ACTL8: variants seen among roughly 807,000 people sequenced by gnomAD.
The protein encoded by ACTL8 is actin like 8.
ACTL8 carries 3 observed loss-of-function variants against 9.3 expected under a neutral mutation model. The ratio of observed to expected loss-of-function variants is 0.32; its 90% CI spans 0.15 to 0.83. The LOEUF (loss-of-function observed/expected upper bound fraction) is 0.83, where lower values mean the gene tolerates loss of function less well. Among genes scored for constraint, ACTL8 ranks in the 40% least tolerant of loss-of-function variants. ACTL8 has a pLI of 0.57. For missense variants in ACTL8, 381 were observed against 492.2 expected (o/e 0.77, Z 2.14); for synonymous variants, 224 against 205.9 (o/e 1.09, Z -0.75).
At chr1:17,796,510 G>A (rs1350533476) in intron 1 of ACTL8, among the ~76,000 whole-genome samples, 1 of 152,176 alleles carries the variant, frequency 6.6e-6, no homozygotes, top group African/African-American at 2.4e-5. Context: ...GGCTCGCATG[G>A]GAGAACAACT....
In ACTL8 at chr1:17,825,850, C is replaced by T. The variant is rs370630395; in HGVS notation, c.432C>T (p.Thr144=). 600 of 1,613,978 alleles carry T rather than the reference C, an allele frequency of 3.7e-4. 1 individual carries two copies. The highest frequency in any genetic ancestry group is 4.8e-4 in the Non-Finnish European group (566 of 1,180,042). The part of the protein sequence containing the change: ...QMSLYASGLL[T]GVVVDSGYGL... ...CCCTGTATGCCTCTGGCCTCCTGAC[C>T]GGAGTGGTGGTTGATTCTGGCTATG... is the stretch of plus-strand genomic sequence containing the variant. Residue 144 remains threonine (T), a synonymous_variant, in exon 3 of 3, where the codon ACC becomes ACT. Coordinates refer to ENST00000375406, the MANE Select transcript of ACTL8 (RefSeq NM_030812.3).
chr1:17,816,199 G>A (rs1449902578), intron 1 of ACTL8, among the ~76,000 whole-genome samples: 9 of 123,508 alleles, frequency 7.3e-5, no homozygotes, highest in Non-Finnish European at 1.2e-4. Context: ...AATATTAATA[G>A]CTTTTTTTTT....
chr1:17,823,332 T>C lies in ACTL8; in HGVS notation c.324T>C (p.Pro108=), dbSNP rs746930448. 15 of 1,613,170 alleles carry C rather than the reference T, an allele frequency of 9.3e-6. No homozygotes were observed. The highest frequency in any genetic ancestry group is 1.3e-5 in the Non-Finnish European group (15 of 1,179,622). ...VIITETPLRE[P]ADRKKMLEIL... is the part of the protein sequence containing the mutation. ...TCACGGAGACACCCTTGAGGGAGCCTGCGGACCGAAAGAAGATGCTGGAGG... is the reference window on the plus strand; with the variant it reads ...TCACGGAGACACCCTTGAGGGAGCCCGCGGACCGAAAGAAGATGCTGGAGG... The change falls in exon 2 of 3, where the codon CCT becomes CCC. Residue 108 remains proline, a synonymous_variant. Coordinates refer to ENST00000375406, the MANE Select transcript of ACTL8 (RefSeq NM_030812.3). The surrounding 1 kb of genome is among the most constrained non-coding windows in gnomAD (Gnocchi z 5.3).
At chr1:17,822,198 G>A (rs2124194093) in intron 1 of ACTL8, among the ~76,000 whole-genome samples, 1 of 152,208 alleles carries the variant, frequency 6.6e-6, no homozygotes, top group Non-Finnish European at 1.5e-5. Flanking sequence ...TCTGGGTTGG[G>A]TTTGACTCTT....
At chr1:17,804,136 C>T (rs1334017278) in intron 1 of ACTL8, among the ~76,000 whole-genome samples, 2 of 152,178 alleles carry the variant, frequency 1.3e-5, no homozygotes, top group African/African-American at 4.8e-5. Context: ...AGTGATGTGC[C>T]CTGGCCATAT....
chr1:17,762,543 G>A (rs1054588051), intron 1 of ACTL8, among the ~76,000 whole-genome samples: 1 of 152,166 alleles, frequency 6.6e-6, no homozygotes, highest in Non-Finnish European at 1.5e-5. Flanking sequence ...AGGCAGGTAG[G>A]TCTCACCGTG....
chr1:17,779,203 A>AC (rs2066135985), intron 1 of ACTL8, among the ~76,000 whole-genome samples: 1 of 151,566 alleles, frequency 6.6e-6, no homozygotes, highest in African/African-American at 2.4e-5. Context: ...TCCCTCCTGG[A>AC]CCCCTCTGCC....
intron 1 of ACTL8, among the ~76,000 whole-genome samples, chr1:17,822,189 C>A (rs2053667878): frequency 6.6e-6 from 1 of 152,106 alleles, no homozygotes; most frequent in South Asian, 2.1e-4. Context: ...CCTTTGCAGT[C>A]TGGGTTGGGT....
intron 1 of ACTL8, among the ~76,000 whole-genome samples, chr1:17,798,863 C>T (rs891826562): frequency 9.9e-5 from 15 of 152,160 alleles, no homozygotes; most frequent in African/African-American, 2.4e-4. Context: ...AATAAGCAGG[C>T]GTTTGCCTTA....
intron 1 of ACTL8, among the ~76,000 whole-genome samples, chr1:17,764,831 C>T (rs1225065143): frequency 6.6e-6 from 1 of 152,258 alleles, no homozygotes; most frequent in African/African-American, 2.4e-5. Flanking sequence ...TGCAGTGTCT[C>T]CCTTTCCATC....
At chr1:17,784,934 C>A (rs2066184970) in intron 1 of ACTL8, among the ~76,000 whole-genome samples, 1 of 152,184 alleles carries the variant, frequency 6.6e-6, no homozygotes, top group Admixed American at 6.5e-5. Flanking sequence ...ACAATCATGG[C>A]AGAAGGCAAG....
chr1:17,815,131 C>A (rs2066418456), intron 1 of ACTL8, among the ~76,000 whole-genome samples: 1 of 152,214 alleles, frequency 6.6e-6, no homozygotes, highest in African/African-American at 2.4e-5. Flanking sequence ...AGCTTAGGAG[C>A]AAATGGCTAT....
chr1:17,789,651 A>G (rs542614129), intron 1 of ACTL8, among the ~76,000 whole-genome samples: 20 of 152,074 alleles, frequency 1.3e-4, no homozygotes, highest in Non-Finnish European at 1.3e-4. Context: ...ATTTATTTCT[A>G]TGTCCTTGAA....
chr1:17,791,098 A>AG (rs955931569), intron 1 of ACTL8, among the ~76,000 whole-genome samples: 3 of 152,024 alleles, frequency 2.0e-5, no homozygotes, highest in African/African-American at 7.2e-5. Context: ...TGTGCCTGGC[A>AG]GGGGGTGGGG....
At chr1:17,760,514 A>G (rs1156370332) in intron 1 of ACTL8, among the ~76,000 whole-genome samples, 5 of 152,234 alleles carry the variant, frequency 3.3e-5, no homozygotes, top group African/African-American at 7.2e-5. Flanking sequence ...TGCAGCCAAC[A>G]GGACTGCCAT....
intron 1 of ACTL8, among the ~76,000 whole-genome samples, chr1:17,780,418 A>G (rs535281436): frequency 6.6e-6 from 1 of 152,164 alleles, no homozygotes; most frequent in African/African-American, 2.4e-5. Context: ...TCCAGGCCAT[A>G]TTCTTCCTTC....
rs760648218 is a variant in ACTL8, at chr1:17,825,980, C to A, written c.562C>A (p.Leu188Ile). 6.2e-7 allele frequency: 1 copy of A among 1,609,520 alleles called. No homozygotes were observed. The highest frequency in any genetic ancestry group is 8.5e-7 in the Non-Finnish European group (1 of 1,179,996). Reference protein sequence around the residue: ...QDLSAYLLKSLFKEDCDRRCL... With the variant: ...QDLSAYLLKSIFKEDCDRRCL... ...TCTCTCCGCCTATCTCCTCAAGAGTCTCTTTAAGGAAGATTGCGATAGACG... is the reference window on the plus strand; with the variant it reads ...TCTCTCCGCCTATCTCCTCAAGAGTATCTTTAAGGAAGATTGCGATAGACG... Residue 188 changes from leucine to isoleucine, a missense_variant, in exon 3 of 3, where the codon CTC becomes ATC. By Grantham distance (5) the Leu-to-Ile change is conservative. Coordinates refer to ENST00000375406, the MANE Select transcript of ACTL8 (RefSeq NM_030812.3).
At chr1:17,812,427 CTTTTTTTTTT>C (rs141182523) in intron 1 of ACTL8, among the ~76,000 whole-genome samples, 3 of 122,420 alleles carry the variant, frequency 2.5e-5, no homozygotes, top group Non-Finnish European at 5.1e-5. Flanking sequence ...ATTTTTTTTC[CTTTTTTTTTT>C]TTTTTTTTTT....
At chr1:17,809,197 CTGG>C (rs1456004569) in intron 1 of ACTL8, among the ~76,000 whole-genome samples, 4 of 152,150 alleles carry the variant, frequency 2.6e-5, no homozygotes, top group African/African-American at 4.8e-5. Flanking sequence ...AGCCTACGTT[CTGG>C]TGGTGCTTGG....
Sources: gnomAD v4.1 joint callset for allele counts (sites outside exome capture counted in the v4.1 genomes callset) on GRCh38, gnomAD v4.1.1 for gene constraint, Gnocchi (gnomAD v3.1) non-coding constraint, MANE v1.5 for transcripts, NCBI Gene and HGNC (gene_info 2026-07-23, HGNC 2026-07-21) for gene names.